The following WDR25 variants were observed in gnomAD, a reference collection of about 807,000 sequenced individuals.
WDR25 encodes the protein WD repeat-containing protein 25.
In WDR25, 35 loss-of-function variants were observed where a neutral mutation model predicts 47.7. The ratio of observed to expected loss-of-function variants is 0.73; its 90% CI spans 0.56 to 0.97. The LOEUF (loss-of-function observed/expected upper bound fraction) is 0.97, where lower values mean the gene tolerates loss of function less well. WDR25 is among the 50% of genes least tolerant of loss of function. The probability of loss-of-function intolerance (pLI) is 0.00; values close to 1 mark genes in which losing one functional copy is unlikely to be tolerated. For synonymous variants in WDR25, 248 were observed against 278.9 expected, an observed-to-expected ratio of 0.89 and a Z score of 1.10; for missense variants, 634 against 704.7, an observed-to-expected ratio of 0.90 and a Z score of 1.14.
At chr14:100,412,546 G>A (rs1022134573) in intron 2 of WDR25, among the ~76,000 whole-genome samples, 3 of 152,190 alleles carry the variant, frequency 2.0e-5, no homozygotes, top group Non-Finnish European at 2.9e-5. Context: ...GTGCGTCTAC[G>A]TTAATAAGTT....
intron 4 of WDR25, among the ~76,000 whole-genome samples, chr14:100,489,307 C>T (rs1900486222): frequency 6.6e-6 from 1 of 152,142 alleles, no homozygotes; most frequent in Non-Finnish European, 1.5e-5. Context: ...TGGCTCTGTG[C>T]CCAGCACAGA....
At chr14:100,515,789 CTT>C (rs11301950) in intron 4 of WDR25, among the ~76,000 whole-genome samples, 4,809 of 110,404 alleles carry the variant, frequency 0.044, 169 homozygotes, top group African/African-American at 0.14. Flanking sequence ...CCACACCTTG[CTT>C]TTTTTTTTTT....
chr14:100,412,287 T>C (rs907318675), intron 2 of WDR25, among the ~76,000 whole-genome samples: 1 of 151,104 alleles, frequency 6.6e-6, no homozygotes, highest in Non-Finnish European at 1.5e-5. Flanking sequence ...ACGTGTTTGG[T>C]TTAGTGAAGA....
intron 2 of WDR25, among the ~76,000 whole-genome samples, chr14:100,415,909 C>T (rs1897855583): frequency 1.3e-5 from 2 of 152,176 alleles, no homozygotes; most frequent in African/African-American, 4.8e-5. Flanking sequence ...CATGACAGTG[C>T]CTCTGGTTGC....
rs1266102334 is a variant in WDR25, at chr14:100,381,619, C to T, written c.695C>T (p.Thr232Ile). 6 of 1,608,410 alleles carry T rather than the reference C, an allele frequency of 3.7e-6. No homozygotes were observed. The highest frequency in any genetic ancestry group is 2.2e-5 in the South Asian group (2 of 90,904). Residue 232 changes from threonine to isoleucine, a missense_variant, in exon 2 of 7, where the codon ACC (threonine) becomes ATC (isoleucine). Coordinates refer to ENST00000402312, the MANE Select transcript of WDR25 (RefSeq NM_001161476.3). ...QPYLNSHYKE[T>I]TVPRKVLFHL... ...TATTTGAATAGCCATTATAAAGAAA[C>T]CACAGTTCCCCGGAAAGTGCTTTTC... is the stretch of plus-strand genomic sequence containing the variant.
intron 2 of WDR25, among the ~76,000 whole-genome samples, chr14:100,394,966 C>A (rs1897224968): frequency 1.3e-5 from 2 of 150,094 alleles, no homozygotes; most frequent in Admixed American, 6.6e-5. Context: ...GCCTGTATCT[C>A]AAAAAAAAAC....
chr14:100,529,690 A>T lies in WDR25; in HGVS notation c.1414-130A>T. ...TGGGCGGGACCTGGGCTTTGGCCTC[A>T]GGGACACGAGGTGCGAAGCCCAGCT... is the stretch of plus-strand genomic sequence containing the variant. On this transcript the variant is annotated intron_variant, in intron 6 of 6. Transcript: ENST00000402312. The surrounding 1 kb of genome is among the most constrained non-coding windows in gnomAD (Gnocchi z 5.1). 1 of 1,057,866 alleles carries T rather than the reference A, an allele frequency of 9.5e-7. No homozygotes were observed. Among genetic ancestry groups the T allele is most frequent in the Non-Finnish European group, 1.3e-6 (1 of 741,528 alleles). 65.5% of individuals were successfully genotyped at this position (1,057,866 alleles called of 1,614,324 possible). A position where few individuals can be genotyped will look rare whatever the true frequency, so the allele number is the denominator to read the frequency against.
At chr14:100,464,346 C>T (rs1285420810) in intron 2 of WDR25, among the ~76,000 whole-genome samples, 1 of 152,112 alleles carries the variant, frequency 6.6e-6, no homozygotes, top group African/African-American at 2.4e-5. Context: ...CTTATAGAGC[C>T]CTTTCCTGGT....
intron 2 of WDR25, among the ~76,000 whole-genome samples, chr14:100,429,140 C>T (rs913097921): frequency 6.6e-6 from 1 of 152,198 alleles, no homozygotes; most frequent in Non-Finnish European, 1.5e-5. Flanking sequence ...CAGAACAGGA[C>T]CTGTCCTGAC....
chr14:100,481,383 GA>G (rs1220842927), intron 3 of WDR25: 1 of 881,176 alleles, frequency 1.1e-6, no homozygotes, highest in Non-Finnish European at 1.6e-6. Flanking sequence ...AGTAGCTCTA[GA>G]AACATTTTTA....
chr14:100,448,948 G>A (rs868718307), intron 2 of WDR25, among the ~76,000 whole-genome samples: 3 of 151,886 alleles, frequency 2.0e-5, no homozygotes, highest in Admixed American at 6.6e-5. Flanking sequence ...CAGAGAGAAG[G>A]CATATGTAAG....
At chr14:100,448,880 G>A (rs369608045) in intron 2 of WDR25, among the ~76,000 whole-genome samples, 2 of 151,960 alleles carry the variant, frequency 1.3e-5, no homozygotes, top group East Asian at 2.0e-4. Context: ...GTGTCTCATG[G>A]GAGACAGGAG....
chr14:100,529,705 G>A lies in WDR25; in HGVS notation c.1414-115G>A, dbSNP rs2030381862. On this transcript the variant is annotated intron_variant, in intron 6 of 6. Coordinates refer to ENST00000402312, the MANE Select transcript of WDR25 (RefSeq NM_001161476.3). The surrounding 1 kb of genome is among the most constrained non-coding windows in gnomAD (Gnocchi z 5.1). ...CTTTGGCCTCAGGGACACGAGGTGCGAAGCCCAGCTCTGCTCCGTCAGCTC... is the reference window on the plus strand; with the variant it reads ...CTTTGGCCTCAGGGACACGAGGTGCAAAGCCCAGCTCTGCTCCGTCAGCTC... The A allele has an allele frequency of 1.5e-5, 18 of 1,227,358 alleles. No homozygotes were observed. Among genetic ancestry groups the A allele is most frequent in the Non-Finnish European group, 1.8e-5 (16 of 889,988 alleles). The allele number at this position is 1,227,358 out of a possible 1,614,324, so 76.0% of individuals were successfully genotyped here. A position where few individuals can be genotyped will look rare whatever the true frequency, so the allele number is the denominator to read the frequency against.
chr14:100,517,201 C>T (rs181756485), intron 4 of WDR25, among the ~76,000 whole-genome samples: 72 of 150,552 alleles, frequency 4.8e-4, no homozygotes, highest in Admixed American at 2.7e-3. Context: ...CTGCAAGTCC[C>T]GCCTCCAGGG....
intron 2 of WDR25, among the ~76,000 whole-genome samples, chr14:100,385,449 C>T (rs1289860916): frequency 6.6e-6 from 1 of 152,132 alleles, no homozygotes; most frequent in African/African-American, 2.4e-5. Context: ...ACAACACAGT[C>T]CAACTTATTA....
intron 2 of WDR25, among the ~76,000 whole-genome samples, chr14:100,456,492 A>G (rs1885529437): frequency 6.6e-6 from 1 of 152,230 alleles, no homozygotes; most frequent in East Asian, 1.9e-4. Flanking sequence ...ACTATTATAA[A>G]CATATTACAT....
chr14:100,453,528 A>T (rs1899108102), intron 2 of WDR25, among the ~76,000 whole-genome samples: 1 of 152,258 alleles, frequency 6.6e-6, no homozygotes, highest in South Asian at 2.1e-4. Context: ...ATACATGATT[A>T]TTGCTACCTG....
intron 2 of WDR25, among the ~76,000 whole-genome samples, chr14:100,405,953 A>G (rs1897525266): frequency 1.3e-5 from 2 of 152,336 alleles, no homozygotes; most frequent in South Asian, 2.1e-4. Flanking sequence ...TGATGATGCA[A>G]TCAATCCGTT....
At chr14:100,511,094 G>T (rs565781977) in intron 4 of WDR25, among the ~76,000 whole-genome samples, 1 of 151,980 alleles carries the variant, frequency 6.6e-6, no homozygotes, top group Non-Finnish European at 1.5e-5. Context: ...AAATGGTATT[G>T]CATCTCATCT....
Sources: allele counts gnomAD v4.1 joint callset (sites outside exome capture counted in the v4.1 genomes callset), GRCh38; gene constraint gnomAD v4.1.1; non-coding constraint Gnocchi (gnomAD v3.1); transcripts MANE v1.5; gene names NCBI Gene and HGNC (gene_info 2026-07-23, HGNC 2026-07-21).